SIDT1: variants seen among roughly 807,000 people sequenced by gnomAD.
The protein encoded by SIDT1 is SID1 transmembrane family, member 1.
A neutral mutation model predicts 107.5 loss-of-function variants in SIDT1; 101 were observed. The observed-to-expected ratio is 0.94, with a 90% CI of 0.80 to 1.11. SIDT1 has a LOEUF of 1.11. SIDT1 is among the 50% of genes least tolerant of loss of function. The pLI is 0.00. For synonymous variants in SIDT1, 395 were observed against 398.2 expected, an observed-to-expected ratio of 0.99 and a Z score of 0.10; for missense variants, 1,076 against 1,058.2, an observed-to-expected ratio of 1.02 and a Z score of -0.23.
intron 14 of SIDT1, 149 bp downstream of exon 14, chr3:113,605,125 T>A: frequency 3.5e-6 from 1 of 281,736 alleles, no homozygotes; most frequent in Non-Finnish European, 5.5e-6. Context: ...TTGCTTCCTC[T>A]TTTTTTTTTT....
At chr3:113,607,286 A>T (rs145597551) in intron 15 of SIDT1, among the ~76,000 whole-genome samples, 172 bp downstream of exon 15, 1 of 152,348 alleles carries the variant, frequency 6.6e-6, no homozygotes, top group African/African-American at 2.4e-5. Context: ...CCGTTCCTGT[A>T]TGTGGTTCTC....
rs542643778 is a variant in SIDT1 at position 113,561,993 on chromosome 3, A to G, written c.223-4427A>G. ...AGTGTGCTCTAAAAACACATGCTAT[A>G]TAATGCTGGTGAGTGTCTGTATTAC... On this transcript the variant is annotated intron_variant, in intron 1 of 24. Coordinates refer to ENST00000264852, the MANE Select transcript of SIDT1 (RefSeq NM_017699.3). 6.6e-5 allele frequency among the ~76,000 whole-genome samples: 10 copies of G among 152,338 alleles called. No homozygotes were observed. In the South Asian group the frequency reaches 8.3e-4, roughly 13 times the overall value.
intron 8 of SIDT1, 71 bp downstream of exon 8, chr3:113,584,840 C>T: frequency 2.8e-6 from 3 of 1,054,926 alleles, no homozygotes; most frequent in South Asian, 1.5e-5. Flanking sequence ...TTTGATATTA[C>T]TGTCATCCTT....
At chr3:113,626,567 C>T (rs1032306547) in intron 24 of SIDT1, among the ~76,000 whole-genome samples, 1 of 152,114 alleles carries the variant, frequency 6.6e-6, no homozygotes, top group Non-Finnish European at 1.5e-5. Flanking sequence ...CCTTCTTATG[C>T]CATACTCACA....
intron 21 of SIDT1, 111 bp downstream of exon 21, chr3:113,619,837 T>A: frequency 1.0e-6 from 1 of 987,988 alleles, no homozygotes; most frequent in African/African-American, 1.6e-5. Context: ...AAGGAGAAGG[T>A]AGGACTGCTT....
intron 21 of SIDT1, among the ~76,000 whole-genome samples, chr3:113,620,938 T>TG (rs1260429988): frequency 2.0e-5 from 3 of 152,232 alleles, no homozygotes; most frequent in Middle Eastern, 3.4e-3. Context: ...ACAAGGCAAA[T>TG]GGCCTCTCTT....
rs1937613688 is a variant in SIDT1 at position 113,532,751 on chromosome 3, C to T, written c.-271C>T. 2.8e-6 allele frequency: 1 copy of T among 362,690 alleles called. No homozygotes were observed. The highest frequency in any genetic ancestry group is 2.1e-5 in the African/African-American group (1 of 47,420). The allele number at this position is 362,690 out of a possible 1,614,324, so 22.5% of individuals were successfully genotyped here. ...GATGAGAAACGGGGGACTTAGAAGC[C>T]GGAGGAAAATCAGCAGCCCCACATC... is the stretch of plus-strand genomic sequence containing the variant. On this transcript the variant is annotated 5_prime_UTR_variant, in exon 1 of 25. Transcript: ENST00000264852.
chr3:113,625,458 T>C (rs575633320), intron 23 of SIDT1, among the ~76,000 whole-genome samples: 2 of 152,248 alleles, frequency 1.3e-5, no homozygotes, highest in Non-Finnish European at 2.9e-5. Context: ...TTTTTAGTTT[T>C]TTGAGGAACT....
At chr3:113,615,168 G>GC in intron 19 of SIDT1, 1 of 1,369,802 alleles carries the variant, frequency 7.3e-7, no homozygotes. Flanking sequence ...TCCCTGAACA[G>GC]CCTCTTTCAG....
In SIDT1 at chr3:113,610,034, A is replaced by C. The variant is rs374492815; in HGVS notation, c.1721-974A>C. 2.0e-5 allele frequency among the ~76,000 whole-genome samples: 3 copies of C among 152,236 alleles called. No individual in the cohort carries two copies. In the East Asian group the frequency reaches 5.8e-4, roughly 29 times the overall value. Reference sequence around the variant, plus strand: ...ATTCTGTGTTCTGCAGCCTTTTTTCATTCAAGAATATGTTTTCAAGATTTA... The same window carrying C: ...ATTCTGTGTTCTGCAGCCTTTTTTCCTTCAAGAATATGTTTTCAAGATTTA... On this transcript the variant is annotated intron_variant, in intron 17 of 24. Coordinates refer to ENST00000264852, the MANE Select transcript of SIDT1 (RefSeq NM_017699.3).
chr3:113,619,581 A>G, intron 20 of SIDT1, 99 bp from the exon 21 acceptor site: 1 of 1,002,490 alleles, frequency 1.0e-6, no homozygotes, highest in Non-Finnish European at 1.6e-6. Context: ...ATTTTCACCA[A>G]TGCAATTGTT....
intron 1 of SIDT1, among the ~76,000 whole-genome samples, chr3:113,537,040 G>T (rs1013187165): frequency 2.6e-5 from 4 of 152,228 alleles, no homozygotes; most frequent in Non-Finnish European, 5.9e-5. Context: ...CTCTTGTAGA[G>T]ACAGTTGGCA....
chr3:113,566,252 G>C (rs1185540082), intron 1 of SIDT1, among the ~76,000 whole-genome samples, 168 bp from the exon 2 acceptor site: 2 of 152,112 alleles, frequency 1.3e-5, no homozygotes, highest in African/African-American at 4.8e-5. Context: ...GGGGCATTTG[G>C]ATTACCTATC....
intron 10 of SIDT1, among the ~76,000 whole-genome samples, chr3:113,594,395 T>C (rs1038295381): frequency 2.0e-5 from 3 of 152,208 alleles, no homozygotes; most frequent in African/African-American, 7.2e-5. Flanking sequence ...TCATCTTTTT[T>C]CCTACAGGAA....
chr3:113,573,196 T>G (rs1315488132), intron 3 of SIDT1, among the ~76,000 whole-genome samples: 1 of 152,112 alleles, frequency 6.6e-6, no homozygotes, highest in East Asian at 1.9e-4. Context: ...AGGGACATAG[T>G]AGGTCAGGAT....
the SIDT1 span, among the ~76,000 whole-genome samples, chr3:113,635,967 A>G: frequency 6.6e-6 from 1 of 152,204 alleles, no homozygotes; most frequent in African/African-American, 2.4e-5. Context: ...CATTTAGGGT[A>G]TAATGATAAT....
chr3:113,614,981 G>T, intron 19 of SIDT1: 2 of 1,416,856 alleles, frequency 1.4e-6, no homozygotes, highest in East Asian at 2.5e-5. Flanking sequence ...AAAATAAAAT[G>T]ACCAGTAGTT....
At chr3:113,567,835 C>A in intron 3 of SIDT1, 125 bp downstream of exon 3, 1 of 953,668 alleles carries the variant, frequency 1.0e-6, no homozygotes, top group Non-Finnish European at 1.6e-6. Flanking sequence ...GATTTTAGCA[C>A]TTCCTGAACT....
chr3:113,538,109 A>G (rs758527332), intron 1 of SIDT1, among the ~76,000 whole-genome samples: 1 of 152,166 alleles, frequency 6.6e-6, no homozygotes, highest in Non-Finnish European at 1.5e-5. Flanking sequence ...AAGGGCAGCA[A>G]TCCCTCCATG....
Sources: allele counts gnomAD v4.1 joint callset (sites outside exome capture counted in the v4.1 genomes callset), GRCh38; gene constraint gnomAD v4.1.1; transcripts MANE v1.5; gene names NCBI Gene and HGNC (gene_info 2026-07-23, HGNC 2026-07-21).